Variants in SCARA3 observed in about 807,000 individuals in gnomAD.
The protein encoded by SCARA3 is cellular stress response gene protein.
Under a neutral mutation model 47.0 loss-of-function variants are expected in SCARA3, and 39 were observed. The observed-to-expected ratio is 0.83, with a 90% CI of 0.64 to 1.08. SCARA3 has a LOEUF of 1.08. SCARA3 is among the 50% of genes least tolerant of loss of function. The pLI, the probability that SCARA3 is intolerant of heterozygous loss-of-function variation, is 0.00. For synonymous variants in SCARA3, 356 were observed against 334.1 expected (o/e 1.07, Z -0.71); for missense variants, 724 against 792.3 (o/e 0.91, Z 1.04).
At chr8:27,650,242 G>A (rs188780413) in intron 2 of SCARA3, among the ~76,000 whole-genome samples, 7 of 152,050 alleles carry the variant, frequency 4.6e-5, no homozygotes, top group Admixed American at 1.3e-4. Context: ...TGATCTGCCC[G>A]CCTCAGCCTC....
At chr8:27,704,898 C>G in the SCARA3 span, among the ~76,000 whole-genome samples, 1 of 152,118 alleles carries the variant, frequency 6.6e-6, no homozygotes, top group Non-Finnish European at 1.5e-5. Flanking sequence ...GCTGCCAGCG[C>G]CCTGCAGGGT....
the SCARA3 span, among the ~76,000 whole-genome samples, chr8:27,699,877 C>T: frequency 1.3e-5 from 2 of 152,016 alleles, no homozygotes; most frequent in South Asian, 4.2e-4. Context: ...TCAATTGAAC[C>T]ACATTGAGAT....
chr8:27,715,730 ACAGACAAACACAGT>A, the SCARA3 span, among the ~76,000 whole-genome samples: 3 of 151,662 alleles, frequency 2.0e-5, no homozygotes, highest in Non-Finnish European at 4.4e-5. The surrounding 1 kb of genome is among the most constrained non-coding windows in gnomAD (Gnocchi z 4.2). Context: ...ACAGACACAG[ACAGACAAACACAGT>A]CAGACAGACA....
chr8:27,715,221 C>T, the SCARA3 span, among the ~76,000 whole-genome samples: 2 of 152,176 alleles, frequency 1.3e-5, no homozygotes, highest in Non-Finnish European at 2.9e-5. The surrounding 1 kb of genome is among the most constrained non-coding windows in gnomAD (Gnocchi z 4.2). Flanking sequence ...CCACCCTGCC[C>T]AGCTCAGGTT....
intron 5 of SCARA3, among the ~76,000 whole-genome samples, chr8:27,662,287 A>G (rs1162053364): frequency 2.0e-5 from 3 of 152,270 alleles, no homozygotes; most frequent in African/African-American, 7.2e-5. Flanking sequence ...GAGCATATAC[A>G]GCCTCCTGGA....
the SCARA3 span, among the ~76,000 whole-genome samples, chr8:27,685,736 T>C: frequency 3.3e-5 from 5 of 152,146 alleles, no homozygotes; most frequent in African/African-American, 1.2e-4. Context: ...TGAAGTTGAT[T>C]TGTCAAAAAA....
intron 5 of SCARA3, among the ~76,000 whole-genome samples, chr8:27,668,835 C>T (rs564414775): frequency 2.0e-5 from 3 of 152,226 alleles, no homozygotes; most frequent in East Asian, 1.9e-4. Context: ...GACCCTGTCT[C>T]GGAAAAAGAA....
In SCARA3 at chr8:27,659,162, A is replaced by G; in HGVS notation, c.992A>G (p.His331Arg). Reference sequence around the variant, plus strand: ...GAGAACATGCATGATCTTCAGTACCATACCCACTACGCCCAGAACCGCACT... The same window carrying G: ...GAGAACATGCATGATCTTCAGTACCGTACCCACTACGCCCAGAACCGCACT... ...HEENMHDLQY[H>R]THYAQNRTVE... Residue 331 changes from histidine (H) to arginine (R), a missense_variant, in exon 5 of 6, where the codon CAT becomes CGT. Transcript: ENST00000301904. 6.2e-7 allele frequency: 1 copy of G among 1,614,098 alleles called. No homozygotes were observed. The highest frequency in any genetic ancestry group is 1.1e-5 in the South Asian group (1 of 91,070).
chr8:27,717,277 T>TA, the SCARA3 span, among the ~76,000 whole-genome samples: 2 of 152,176 alleles, frequency 1.3e-5, no homozygotes, highest in Admixed American at 1.3e-4. Flanking sequence ...TAGATACAGA[T>TA]ACAGATGTGG....
At chr8:27,712,479 C>T in the SCARA3 span, among the ~76,000 whole-genome samples, 5 of 143,718 alleles carry the variant, frequency 3.5e-5, no homozygotes, top group East Asian at 2.1e-4. Context: ...AGGAGAATGG[C>T]GTGAACCCGG....
chr8:27,657,776 G>A (rs998626836), intron 4 of SCARA3, among the ~76,000 whole-genome samples: 2 of 151,686 alleles, frequency 1.3e-5, no homozygotes, highest in Non-Finnish European at 2.9e-5. Context: ...TCCTGACCTC[G>A]TGATCCGCCC....
At chr8:27,725,053 G>C in the SCARA3 span, among the ~76,000 whole-genome samples, 1 of 152,320 alleles carries the variant, frequency 6.6e-6, no homozygotes, top group East Asian at 1.9e-4. Flanking sequence ...GGGAGGCCAA[G>C]GTAGGAGGAT....
intron 1 of SCARA3, among the ~76,000 whole-genome samples, chr8:27,645,127 A>G (rs1247614006): frequency 1.3e-5 from 2 of 152,246 alleles, no homozygotes; most frequent in East Asian, 3.8e-4. Flanking sequence ...TTCGAAAGGT[A>G]TATAAATTAA....
At chr8:27,728,928 A>C in the SCARA3 span, among the ~76,000 whole-genome samples, 1 of 152,198 alleles carries the variant, frequency 6.6e-6, no homozygotes, top group Non-Finnish European at 1.5e-5. Context: ...TAGTAAAGGC[A>C]TGGTGGCATG....
At chr8:27,719,466 C>T in the SCARA3 span, among the ~76,000 whole-genome samples, 1 of 150,926 alleles carries the variant, frequency 6.6e-6, no homozygotes, top group Non-Finnish European at 1.5e-5. Context: ...ATAATCTGTA[C>T]AACAAACTTC....
chr8:27,694,664 C>T, the SCARA3 span, among the ~76,000 whole-genome samples: 1 of 152,102 alleles, frequency 6.6e-6, no homozygotes, highest in Non-Finnish European at 1.5e-5. Context: ...GTACTCTGAT[C>T]AGCAAGGAGC....
chr8:27,675,007 G>A (rs573413643), downstream of SCARA3, among the ~76,000 whole-genome samples: 32 of 152,178 alleles, frequency 2.1e-4, no homozygotes, highest in East Asian at 9.7e-4. Flanking sequence ...GATTACAGGC[G>A]TGAGCCACCG....
intron 1 of SCARA3, among the ~76,000 whole-genome samples, chr8:27,640,977 G>A (rs904382110): frequency 3.3e-5 from 5 of 152,280 alleles, no homozygotes; most frequent in Admixed American, 1.3e-4. Context: ...GATTACAGGC[G>A]TGAGCCACTG....
chr8:27,647,110 A>C (rs1398307103), intron 1 of SCARA3, among the ~76,000 whole-genome samples: 1 of 151,850 alleles, frequency 6.6e-6, no homozygotes, highest in Admixed American at 6.6e-5. Context: ...TAACAACCTC[A>C]CACCACACAT....
Sources: allele counts gnomAD v4.1 joint callset (sites outside exome capture counted in the v4.1 genomes callset), GRCh38; gene constraint gnomAD v4.1.1; non-coding constraint Gnocchi (gnomAD v3.1); transcripts MANE v1.5; gene names NCBI Gene and HGNC (gene_info 2026-07-23, HGNC 2026-07-21).